Variants in ZNG1F observed in about 807,000 individuals in gnomAD.
ZNG1F encodes the protein zinc-regulated GTPase metalloprotein activator 1F.
At chr9:41,183,908 T>G in the ZNG1F span, among the ~76,000 whole-genome samples, 2 of 147,770 alleles carry the variant, frequency 1.4e-5, no homozygotes, top group African/African-American at 5.0e-5. Flanking sequence ...TAAACATACC[T>G]ACTTCCTCCT....
the ZNG1F span, chr9:41,164,070 G>T: frequency 1.0e-4 from 1 of 9,952 alleles, no homozygotes; most frequent in African/African-American, 1.1e-4. Flanking sequence ...TACTTTTATT[G>T]ATTCAATTTA....
At chr9:41,170,008 A>C in the ZNG1F span, among the ~76,000 whole-genome samples, 1 of 75,284 alleles carries the variant, frequency 1.3e-5, no homozygotes, top group Non-Finnish European at 2.6e-5. Flanking sequence ...CTATCTTAAA[A>C]CCCACTGGCT....
At chr9:41,137,521 T>C in the ZNG1F span, among the ~76,000 whole-genome samples, 1 of 143,914 alleles carries the variant, frequency 6.9e-6, no homozygotes, top group Non-Finnish European at 1.5e-5. Flanking sequence ...ATCCACTGTT[T>C]CTTTGTTGAC....
At chr9:41,180,117 TTA>T in the ZNG1F span, among the ~76,000 whole-genome samples, 3 of 86,958 alleles carry the variant, frequency 3.4e-5, no homozygotes, top group African/African-American at 5.2e-5. Flanking sequence ...TGTATGTTTT[TTA>T]GACAATTCTA....
the ZNG1F span, among the ~76,000 whole-genome samples, chr9:41,195,372 G>A: frequency 0.046 from 2,328 of 50,494 alleles, 7 homozygotes; most frequent in South Asian, 0.1. Context: ...TCATATAGTC[G>A]TCTTTTAAGA....
chr9:41,178,886 G>T, the ZNG1F span, among the ~76,000 whole-genome samples: 1 of 132,518 alleles, frequency 7.5e-6, no homozygotes, highest in Non-Finnish European at 1.6e-5. Context: ...TTTTAATGGA[G>T]ATGAAATGGC....
the ZNG1F span, among the ~76,000 whole-genome samples, chr9:41,140,297 T>C: frequency 1.1e-5 from 1 of 91,060 alleles, no homozygotes; most frequent in Non-Finnish European, 2.3e-5. Context: ...CTGTACAGCA[T>C]ATATGTTACT....
the ZNG1F span, among the ~76,000 whole-genome samples, chr9:41,187,019 G>C: frequency 7.6e-5 from 11 of 144,562 alleles, no homozygotes; most frequent in East Asian, 2.3e-3. Flanking sequence ...CTGAGACAGA[G>C]GCCCTGAACA....
chr9:41,150,277 C>A, the ZNG1F span, among the ~76,000 whole-genome samples: 1 of 150,146 alleles, frequency 6.7e-6, no homozygotes, highest in Admixed American at 6.7e-5. Flanking sequence ...GCTTAAAAAA[C>A]CGCGCACCAG....
the ZNG1F span, chr9:41,145,268 T>A: frequency 2.7e-6 from 1 of 365,042 alleles, no homozygotes; most frequent in Non-Finnish European, 4.6e-6. Context: ...GGATTTAGAT[T>A]TTTTTTCTTT....
chr9:41,200,068 G>A, the ZNG1F span, among the ~76,000 whole-genome samples: 2 of 122,802 alleles, frequency 1.6e-5, no homozygotes, highest in African/African-American at 6.4e-5. Flanking sequence ...CATTGTCTTG[G>A]GGATTAACAT....
the ZNG1F span, among the ~76,000 whole-genome samples, chr9:41,142,909 T>A: frequency 1.8e-4 from 7 of 39,030 alleles, 2 homozygotes; most frequent in African/African-American, 3.9e-4. Flanking sequence ...AAATTACACA[T>A]TTACATGCTT....
At chr9:41,183,686 A>T in the ZNG1F span, 2 of 1,606,478 alleles carry the variant, frequency 1.2e-6, no homozygotes, top group Non-Finnish European at 1.7e-6. Context: ...AACAATAAAT[A>T]AACAAACTCT....
the ZNG1F span, chr9:41,174,232 G>GAAAAAAAAAC: frequency 8.5e-7 from 1 of 1,180,404 alleles, no homozygotes; most frequent in African/African-American, 2.6e-5. Flanking sequence ...CTCTGTCTCA[G>GAAAAAAAAAC]AAAAAAAAAA....
At chr9:41,201,462 A>T in the ZNG1F span, among the ~76,000 whole-genome samples, 1 of 148,410 alleles carries the variant, frequency 6.7e-6, no homozygotes, top group Non-Finnish European at 1.5e-5. Context: ...AATTATTTTT[A>T]AAATTTTAAA....
the ZNG1F span, chr9:41,157,600 T>C: frequency 1.8e-3 from 265 of 145,016 alleles, no homozygotes; most frequent in Non-Finnish European, 2.4e-3. Context: ...ATTTGTTAAA[T>C]TTTCTTACAA....
At chr9:41,144,433 C>T in the ZNG1F span, among the ~76,000 whole-genome samples, 1 of 123,762 alleles carries the variant, frequency 8.1e-6, no homozygotes, top group African/African-American at 3.0e-5. Context: ...ACTTGTATTT[C>T]TCTCATTTAT....
the ZNG1F span, among the ~76,000 whole-genome samples, chr9:41,169,402 A>G: frequency 4.0e-5 from 6 of 149,830 alleles, no homozygotes; most frequent in Non-Finnish European, 7.4e-5. Flanking sequence ...TTTTTGCAAA[A>G]TATTTTTTAA....
chr9:41,183,593 A>G, the ZNG1F span: 2 of 1,599,638 alleles, frequency 1.3e-6, 1 homozygote, highest in Non-Finnish European at 1.7e-6. Flanking sequence ...AACCGTTTCT[A>G]AGTTCCAGCC....
Sources: gnomAD v4.1 joint callset for allele counts (sites outside exome capture counted in the v4.1 genomes callset) on GRCh38, gnomAD v4.1.1 for gene constraint, MANE v1.5 for transcripts, NCBI Gene and HGNC (gene_info 2026-07-23, HGNC 2026-07-21) for gene names.